EVC: variants seen among roughly 807,000 people sequenced by gnomAD.
EVC encodes evC complex member EVC.
A neutral mutation model predicts 118.9 loss-of-function variants in EVC; 116 were observed. The ratio of observed to expected loss-of-function variants is 0.98; its 90% CI spans 0.84 to 1.14. EVC has a LOEUF of 1.14. Among genes scored for constraint, EVC ranks in the 50% most tolerant of loss-of-function variants. The pLI, the probability that EVC is intolerant of heterozygous loss-of-function variation, is 0.00. For missense variants in EVC, 1,401 were observed against 1,246.4 expected (o/e 1.12, Z -1.87); for synonymous variants, 619 against 534.7 (o/e 1.16, Z -2.18).
intron 3 of EVC, 77 bp downstream of exon 3, chr4:5,729,467 T>G: frequency 3.7e-6 from 5 of 1,366,080 alleles, no homozygotes; most frequent in Non-Finnish European, 5.2e-6. Context: ...AGTGGGGGGA[T>G]TAACTGTGTG....
chr4:5,828,565 T>G, the EVC span: 5 of 1,614,216 alleles, frequency 3.1e-6, no homozygotes, highest in Non-Finnish European at 4.2e-6. Flanking sequence ...CATGCCCTTG[T>G]TGACGTTGAT....
At chr4:5,747,281 C>T (rs1247018901) in intron 7 of EVC, among the ~76,000 whole-genome samples, 2 of 152,008 alleles carry the variant, frequency 1.3e-5, no homozygotes, top group Non-Finnish European at 2.9e-5. Context: ...TAACCCCTGC[C>T]CCCTCCCATG....
chr4:5,741,747 T>A lies in EVC; in HGVS notation c.734T>A (p.Leu245His). 6.4e-7 allele frequency: 1 copy of A among 1,574,234 alleles called. No homozygotes were observed. Among genetic ancestry groups the A allele is most frequent in the Admixed American group, 1.7e-5 (1 of 59,794 alleles). ...ATTCAGATTTTTAAAATGTGCCTCCTTGACCTTCTTCCTAAAAAGAAGTCA... is the reference window on the plus strand; with the variant it reads ...ATTCAGATTTTTAAAATGTGCCTCCATGACCTTCTTCCTAAAAAGAAGTCA... ...MFIQIFKMCLLDLLPKKKSDD... is the reference protein window; with the variant it reads ...MFIQIFKMCLHDLLPKKKSDD... The change falls in exon 6 of 21, where the codon CTT (leucine) becomes CAT (histidine). Residue 245 changes from leucine to histidine, a missense_variant. Physicochemically the swap from Leu to His is moderately conservative, Grantham distance 99. Coordinates refer to ENST00000264956, the MANE Select transcript of EVC (RefSeq NM_153717.3).
intron 18 of EVC, among the ~76,000 whole-genome samples, chr4:5,809,280 A>G (rs1402320548): frequency 2.6e-5 from 4 of 152,194 alleles, no homozygotes; most frequent in African/African-American, 7.2e-5. Context: ...TACTCTGTCA[A>G]CTGAAGACCG....
At chr4:5,791,920 C>T (rs1473083747) in intron 12 of EVC, among the ~76,000 whole-genome samples, 1 of 152,184 alleles carries the variant, frequency 6.6e-6, no homozygotes, top group Non-Finnish European at 1.5e-5. Flanking sequence ...TTTCTAACCC[C>T]TCTACACATT....
rs1412751608 is a variant in EVC at position 5,756,000 on chromosome 4, G to A, written c.1465-264G>A. On this transcript the variant is annotated intron_variant, in intron 10 of 20. Transcript: ENST00000264956. The surrounding 1 kb of genome is among the most constrained non-coding windows in gnomAD (Gnocchi z 4.1). ...CTGCAGCCAGGACAGAGGAGTGACA[G>A]AAGTGGTCCAGTGGCCCCTCCTCAT... 6.6e-6 allele frequency among the ~76,000 whole-genome samples: 1 copy of A among 152,210 alleles called. No homozygotes were observed. The highest frequency in any genetic ancestry group is 1.5e-5 in the Non-Finnish European group (1 of 68,040).
intron 13 of EVC, among the ~76,000 whole-genome samples, chr4:5,794,161 A>AT (rs1713317554): frequency 6.7e-6 from 1 of 149,604 alleles, no homozygotes; most frequent in Non-Finnish European, 1.5e-5. Flanking sequence ...TGCTATAACA[A>AT]TTAGTGCAAT....
chr4:5,761,853 G>A (rs991991713), intron 11 of EVC, among the ~76,000 whole-genome samples: 1 of 151,692 alleles, frequency 6.6e-6, no homozygotes, highest in African/African-American at 2.4e-5. Flanking sequence ...GTTTCTCTGG[G>A]GTCCCATTGG....
intron 1 of EVC, among the ~76,000 whole-genome samples, chr4:5,712,008 C>G (rs1577299973): frequency 1.3e-5 from 2 of 152,192 alleles, no homozygotes; most frequent in South Asian, 4.1e-4. Context: ...TTTTTTCATT[C>G]ACCCCACAGT....
intron 5 of EVC, among the ~76,000 whole-genome samples, chr4:5,734,524 G>C (rs894932679): frequency 2.0e-5 from 3 of 152,126 alleles, no homozygotes; most frequent in African/African-American, 7.2e-5. Flanking sequence ...TGGTGCAGTG[G>C]TGTGTGCCTA....
chr4:5,754,947 A>G lies in EVC; in HGVS notation c.1464+1014A>G, dbSNP rs1008600990. Among the ~76,000 whole-genome samples the G allele has an allele frequency of 7.9e-5, 12 of 151,832 alleles. No homozygotes were observed. The highest frequency in any genetic ancestry group is 7.2e-4 in the Admixed American group (11 of 15,250). On this transcript the variant is annotated intron_variant, in intron 10 of 20. Coordinates refer to ENST00000264956, the MANE Select transcript of EVC (RefSeq NM_153717.3). This position sits in a 1 kb window ranked among gnomAD's most constrained non-coding sequence, Gnocchi z 5.8. ...TGTCTGGGTCCAGGCTCAGCCCAGA[A>G]TAGAGGCCCAGGGGCTCTCCCTGGG... is the stretch of plus-strand genomic sequence containing the variant.
chr4:5,723,045 C>T (rs1017223988), intron 2 of EVC, among the ~76,000 whole-genome samples: 1 of 152,176 alleles, frequency 6.6e-6, no homozygotes, highest in African/African-American at 2.4e-5. Context: ...GCTGGCCCTG[C>T]AGGGGTTGCA....
intron 16 of EVC, among the ~76,000 whole-genome samples, chr4:5,802,454 G>A (rs760131285): frequency 1.3e-5 from 2 of 152,170 alleles, no homozygotes; most frequent in Non-Finnish European, 2.9e-5. Context: ...CAGGGTGAGA[G>A]GGAAATGGTT....
At chr4:5,801,219 G>T (rs1714911753) in intron 15 of EVC, among the ~76,000 whole-genome samples, 1 of 152,188 alleles carries the variant, frequency 6.6e-6, no homozygotes, top group Admixed American at 6.5e-5. Context: ...TTTGTGATGT[G>T]ACCGAGGACG....
At chr4:5,763,332 C>T (rs373003425) in intron 11 of EVC, among the ~76,000 whole-genome samples, 127 of 146,650 alleles carry the variant, frequency 8.7e-4, no homozygotes, top group South Asian at 3.4e-3. Context: ...AGTCAGGTAG[C>T]GTGATGCCTC....
chr4:5,827,613 C>G, the EVC span, among the ~76,000 whole-genome samples: 1 of 151,920 alleles, frequency 6.6e-6, no homozygotes, highest in Non-Finnish European at 1.5e-5. Context: ...CTCGCATACA[C>G]ACACGCGCAC....
rs977474639 is a variant in EVC at position 5,749,911 on chromosome 4, C to T, written c.1098+1605C>T. On this transcript the variant is annotated intron_variant, in intron 8 of 20. Transcript: ENST00000264956. This position sits in a 1 kb window ranked among gnomAD's most constrained non-coding sequence, Gnocchi z 4.4. ...AGGTGTGATCCACAGACCACAGCAT[C>T]GGCAACACTGGGAGCTGGTTAGAGT... Among the ~76,000 whole-genome samples, 8 of 152,120 alleles carry T rather than the reference C, an allele frequency of 5.3e-5. No homozygotes were observed. Among genetic ancestry groups the T allele is most frequent in the African/African-American group, 9.7e-5 (4 of 41,430 alleles).
chr4:5,777,724 G>A, intron 11 of EVC, among the ~76,000 whole-genome samples: 1 of 152,116 alleles, frequency 6.6e-6, no homozygotes, highest in East Asian at 1.9e-4. Context: ...AAGAATGTGG[G>A]TTCCATATGC....
intron 2 of EVC, among the ~76,000 whole-genome samples, chr4:5,724,895 C>A (rs374165170): frequency 3.4e-4 from 51 of 151,952 alleles, no homozygotes; most frequent in African/African-American, 1.1e-3. Flanking sequence ...CCGACAGGCC[C>A]CAGTGTGTGT....
Sources: allele counts gnomAD v4.1 joint callset (sites outside exome capture counted in the v4.1 genomes callset), GRCh38; gene constraint gnomAD v4.1.1; non-coding constraint Gnocchi (gnomAD v3.1); transcripts MANE v1.5; gene names NCBI Gene and HGNC (gene_info 2026-07-23, HGNC 2026-07-21).